The following NOSTRIN variants were observed in gnomAD, a reference collection of about 807,000 sequenced individuals.
NOSTRIN encodes the protein BM247 homolog.
Under a neutral mutation model 59.0 loss-of-function variants are expected in NOSTRIN, and 63 were observed. That is an observed-to-expected ratio of 1.07 (90% CI 0.87 to 1.32). The LOEUF (loss-of-function observed/expected upper bound fraction) is 1.32. NOSTRIN is among the 40% of genes most tolerant of loss of function. The probability of loss-of-function intolerance (pLI) is 0.00; values close to 1 mark genes in which losing one functional copy is unlikely to be tolerated. For synonymous variants in NOSTRIN, 200 were observed against 165.4 expected (o/e 1.21, Z -1.61); for missense variants, 512 against 473.1 (o/e 1.08, Z -0.76).
intron 2 of NOSTRIN, among the ~76,000 whole-genome samples, chr2:168,818,495 C>A (rs1458892473): frequency 2.0e-5 from 3 of 152,128 alleles, no homozygotes; most frequent in Non-Finnish European, 4.4e-5. Flanking sequence ...ACACAGGGGG[C>A]AACTACAGTT....
At chr2:168,837,732 G>A (rs555528154) in intron 7 of NOSTRIN, among the ~76,000 whole-genome samples, 5 of 151,984 alleles carry the variant, frequency 3.3e-5, no homozygotes, top group African/African-American at 4.8e-5. Context: ...TCTTGCCATC[G>A]AAAACAATGT....
At chr2:168,825,867 A>G (rs114787764) in intron 3 of NOSTRIN, among the ~76,000 whole-genome samples, 1,543 of 152,350 alleles carry the variant, frequency 0.01, 26 homozygotes, top group African/African-American at 0.035. Context: ...ACTCTTCTTT[A>G]GGCATCAGCC....
rs79471692 is a variant in NOSTRIN, at chr2:168,840,826, C to T, written c.505-2166C>T. Among the ~76,000 whole-genome samples, 1,453 of 152,172 alleles carry T rather than the reference C, an allele frequency of 9.5e-3. 23 individuals are homozygous for T. Among genetic ancestry groups the T allele is most frequent in the African/African-American group, 0.033 (1,380 of 41,500 alleles). On this transcript the variant is annotated intron_variant, in intron 7 of 15. Transcript: ENST00000317647. ...GGTTTGAAGACCATTTGCATCAGAA[C>T]GATCTGGGGAGCTATAGTCAAAACT...
Position 168,865,362 on chromosome 2 carries a change from G to C in NOSTRIN, c.*392G>C, listed in dbSNP as rs1559149495. The C allele has an allele frequency of 5.9e-6, 1 of 170,128 alleles. No homozygotes were observed. Among genetic ancestry groups the C allele is most frequent in the Non-Finnish European group, 1.3e-5 (1 of 78,802 alleles). 10.5% of individuals were successfully genotyped at this position (170,128 alleles called of 1,614,324 possible). A position where few individuals can be genotyped will look rare whatever the true frequency, so the allele number is the denominator to read the frequency against. On this transcript the variant is annotated 3_prime_UTR_variant, in exon 16 of 16. Coordinates refer to ENST00000317647, the MANE Select transcript of NOSTRIN (RefSeq NM_001039724.4). ...TTTCCTCTGGATTTGGGTGGCAACA[G>C]AACACAGCAGGCCTATGAGGGGGTC...
chr2:168,803,324 C>T (rs1204465413), intron 1 of NOSTRIN, among the ~76,000 whole-genome samples: 1 of 151,974 alleles, frequency 6.6e-6, no homozygotes, highest in Non-Finnish European at 1.5e-5. Context: ...TAAGAAGCAA[C>T]TAAAATAAAG....
intron 14 of NOSTRIN, among the ~76,000 whole-genome samples, chr2:168,861,514 C>T (rs535170474): frequency 1.5e-4 from 22 of 151,564 alleles, no homozygotes; most frequent in African/African-American, 5.1e-4. Flanking sequence ...TCAGTAAAAC[C>T]AGGACATTAT....
chr2:168,846,015 C>T (rs1322526439), intron 8 of NOSTRIN, among the ~76,000 whole-genome samples: 2 of 152,092 alleles, frequency 1.3e-5, no homozygotes, highest in Non-Finnish European at 2.9e-5. Flanking sequence ...CATCTCAAGC[C>T]CATTAGCCAC....
At chr2:168,859,426 T>C (rs1559143089) in intron 12 of NOSTRIN, 86 bp from the exon 13 acceptor site, 6 of 1,560,650 alleles carry the variant, frequency 3.8e-6, no homozygotes, top group Non-Finnish European at 5.2e-6. Context: ...TAACCTTTGT[T>C]ATTTTGAAAG....
intron 12 of NOSTRIN, 41 bp from the exon 13 acceptor site, chr2:168,859,471 T>C: frequency 6.2e-7 from 1 of 1,607,834 alleles, no homozygotes; most frequent in Non-Finnish European, 8.5e-7. Flanking sequence ...GTGCCTCATT[T>C]ACTAGAAATT....
At chr2:168,837,324 T>C (rs1687789359) in intron 7 of NOSTRIN, among the ~76,000 whole-genome samples, 2 of 142,304 alleles carry the variant, frequency 1.4e-5, no homozygotes, top group African/African-American at 5.2e-5. Context: ...TTTTTTTTTT[T>C]TTTGAGATGG....
At chr2:168,857,085 GA>G (rs1689176180) in intron 12 of NOSTRIN, among the ~76,000 whole-genome samples, 1 of 152,164 alleles carries the variant, frequency 6.6e-6, no homozygotes, top group Non-Finnish European at 1.5e-5. Context: ...AAAGCGACAG[GA>G]AACAAAGGAT....
intron 7 of NOSTRIN, among the ~76,000 whole-genome samples, 174 bp downstream of exon 7, chr2:168,834,499 G>GCACACACACACA (rs1352968254): frequency 0.099 from 2,805 of 28,432 alleles, 108 homozygotes; most frequent in African/African-American, 0.22. Context: ...GTGCGCGCGC[G>GCACACACACACA]CGCGCGCGCA....
At chr2:168,838,994 A>G (rs1687902944) in intron 7 of NOSTRIN, among the ~76,000 whole-genome samples, 2 of 151,968 alleles carry the variant, frequency 1.3e-5, no homozygotes, top group South Asian at 4.2e-4. Flanking sequence ...CATGTTGGCC[A>G]GGCTGTTCTC....
At chr2:168,825,067 C>T (rs565230469) in intron 3 of NOSTRIN, among the ~76,000 whole-genome samples, 1 of 152,298 alleles carries the variant, frequency 6.6e-6, no homozygotes, top group East Asian at 1.9e-4. Context: ...CAAAATCATT[C>T]TTAAAAATAG....
At chr2:168,863,312 A>G (rs1689595555) in intron 15 of NOSTRIN, 4 of 699,720 alleles carry the variant, frequency 5.7e-6, no homozygotes, top group Non-Finnish European at 3.5e-6. Context: ...CTTTAAGAAT[A>G]GTGATTTATG....
At chr2:168,797,079 CTTTTTTTTTTTTTTT>C (rs775176252), upstream of NOSTRIN, among the ~76,000 whole-genome samples, 2 of 75,054 alleles carry the variant, frequency 2.7e-5, no homozygotes, top group Non-Finnish European at 5.0e-5. Flanking sequence ...TTTCTTTTTT[CTTTTTTTTTTTTTTT>C]TTTTTTTGGA....
intron 10 of NOSTRIN, among the ~76,000 whole-genome samples, chr2:168,855,081 T>C (rs1688998656): frequency 6.6e-6 from 1 of 152,160 alleles, no homozygotes; most frequent in Non-Finnish European, 1.5e-5. Context: ...GAAATAGCTA[T>C]AGCAAGGGTC....
chr2:168,790,430 C>T (rs1685318973), intron 2 of NOSTRIN, among the ~76,000 whole-genome samples: 1 of 152,178 alleles, frequency 6.6e-6, no homozygotes, highest in African/African-American at 2.4e-5. Context: ...CCATCCTAAT[C>T]AGGTGAACAC....
intron 2 of NOSTRIN, among the ~76,000 whole-genome samples, chr2:168,791,363 G>T (rs927231030): frequency 1.3e-4 from 20 of 152,258 alleles, no homozygotes; most frequent in African/African-American, 4.8e-4. Context: ...TGGTGTATAT[G>T]TGCCACATTT....
Sources: allele counts gnomAD v4.1 joint callset (sites outside exome capture counted in the v4.1 genomes callset), GRCh38; gene constraint gnomAD v4.1.1; transcripts MANE v1.5; gene names NCBI Gene and HGNC (gene_info 2026-07-23, HGNC 2026-07-21).